The following EPHA3 variants were observed in gnomAD, a reference collection of about 807,000 sequenced individuals.
EPHA3 encodes the protein ephrin type-A receptor 3.
A neutral mutation model predicts 107.1 loss-of-function variants in EPHA3; 42 were observed. That is an observed-to-expected ratio of 0.39 (90% CI 0.31 to 0.51). The LOEUF (loss-of-function observed/expected upper bound fraction) is 0.51. Ranked by LOEUF, EPHA3 falls within the 20% of genes least tolerant of loss-of-function variation. EPHA3 has a pLI of 0.78. For missense variants in EPHA3, 1,183 were observed against 1,211.2 expected (o/e 0.98, Z 0.35); for synonymous variants, 461 against 424.8 (o/e 1.09, Z -1.05).
chr3:89,414,264 T>A (rs2107522897), intron 10 of EPHA3, among the ~76,000 whole-genome samples: 1 of 151,796 alleles, frequency 6.6e-6, no homozygotes, highest in South Asian at 2.1e-4. Flanking sequence ...ATCTTGTAAA[T>A]ATAATGTTAA....
intron 2 of EPHA3, among the ~76,000 whole-genome samples, chr3:89,128,486 A>G (rs974042249): frequency 2.6e-4 from 40 of 152,222 alleles, no homozygotes; most frequent in Middle Eastern, 3.4e-3. Context: ...TGGAAAACTC[A>G]TTTGAAACTA....
chr3:89,294,165 A>AT (rs1315808035), intron 3 of EPHA3, among the ~76,000 whole-genome samples: 1 of 152,108 alleles, frequency 6.6e-6, no homozygotes, highest in Non-Finnish European at 1.5e-5. Flanking sequence ...TCTTCTACAA[A>AT]TTTTATAGTT....
chr3:89,253,049 A>T (rs1231704284), intron 3 of EPHA3, among the ~76,000 whole-genome samples: 1 of 151,906 alleles, frequency 6.6e-6, no homozygotes, highest in Non-Finnish European at 1.5e-5. Context: ...AGCAATAGAG[A>T]AAGATTTATG....
intron 2 of EPHA3, among the ~76,000 whole-genome samples, chr3:89,191,158 A>G (rs1705705342): frequency 6.6e-6 from 1 of 152,140 alleles, no homozygotes; most frequent in Non-Finnish European, 1.5e-5. Flanking sequence ...ACAAAAATGG[A>G]TGAATACATT....
chr3:89,190,846 T>C lies in EPHA3; in HGVS notation c.154-19014T>C, dbSNP rs564973906. On this transcript the variant is annotated intron_variant, in intron 2 of 16. Coordinates refer to ENST00000336596, the MANE Select transcript of EPHA3 (RefSeq NM_005233.6). ...CCTCAATATATGTCTGTGTCCAAAT[T>C]TCCTCTTCTTATAAGGCCTCCGTAG... Among the ~76,000 whole-genome samples the C allele has an allele frequency of 1.1e-3, 170 of 152,244 alleles. 2 individuals carry two copies. In the South Asian group the frequency reaches 0.017, roughly 15 times the overall value.
intron 5 of EPHA3, among the ~76,000 whole-genome samples, chr3:89,360,500 G>A (rs1318753035): frequency 2.0e-5 from 3 of 150,946 alleles, no homozygotes; most frequent in African/African-American, 7.3e-5. Context: ...TTCAGTCAAA[G>A]CTGTTGGAGT....
intron 3 of EPHA3, among the ~76,000 whole-genome samples, chr3:89,229,325 C>T (rs1185603569): frequency 6.6e-6 from 1 of 151,722 alleles, no homozygotes; most frequent in Non-Finnish European, 1.5e-5. Flanking sequence ...GAAGAACTTC[C>T]ACTACTATAG....
intron 13 of EPHA3, among the ~76,000 whole-genome samples, chr3:89,440,593 G>T (rs1185654602): frequency 6.6e-6 from 1 of 152,204 alleles, no homozygotes; most frequent in African/African-American, 2.4e-5. Flanking sequence ...TTAGCCACAT[G>T]TCTCATTGAA....
intron 2 of EPHA3, among the ~76,000 whole-genome samples, chr3:89,137,831 A>G (rs1704347485): frequency 6.6e-6 from 1 of 152,022 alleles, no homozygotes; most frequent in African/African-American, 2.4e-5. Context: ...AATTTTGTTA[A>G]TAAGGCAGTT....
At chr3:89,364,943 A>C (rs139400658) in intron 5 of EPHA3, among the ~76,000 whole-genome samples, 43 of 151,098 alleles carry the variant, frequency 2.8e-4, no homozygotes, top group Non-Finnish European at 4.5e-4. Context: ...TAATTATTCA[A>C]CTTAATTCCA....
intron 1 of EPHA3, among the ~76,000 whole-genome samples, chr3:89,113,683 T>C (rs1707177022): frequency 6.6e-6 from 1 of 151,950 alleles, no homozygotes; most frequent in Non-Finnish European, 1.5e-5. Context: ...AACATCTGGC[T>C]AATCAATTTT....
At chr3:89,279,195 T>A (rs947375791) in intron 3 of EPHA3, among the ~76,000 whole-genome samples, 2 of 152,162 alleles carry the variant, frequency 1.3e-5, no homozygotes, top group East Asian at 1.9e-4. Flanking sequence ...GAGTTTTTTT[T>A]AATTAACATA....
intron 2 of EPHA3, among the ~76,000 whole-genome samples, chr3:89,201,362 C>A (rs1404393027): frequency 6.6e-6 from 1 of 151,988 alleles, no homozygotes; most frequent in Non-Finnish European, 1.5e-5. Context: ...GACACAGAGC[C>A]AACGGTTAGA....
chr3:89,263,297 G>A (rs1235385407), intron 3 of EPHA3, among the ~76,000 whole-genome samples: 2 of 152,016 alleles, frequency 1.3e-5, no homozygotes, highest in African/African-American at 4.8e-5. Context: ...TGCTGTCTGC[G>A]GATGGCTTAA....
intron 3 of EPHA3, among the ~76,000 whole-genome samples, chr3:89,211,601 G>A (rs1443907972): frequency 6.6e-6 from 1 of 151,920 alleles, no homozygotes; most frequent in Non-Finnish European, 1.5e-5. Flanking sequence ...AATCTGGACA[G>A]AACATAATAT....
chr3:89,435,979 A>T lies in EPHA3; in HGVS notation c.2346+4620A>T, dbSNP rs533353475. ...ATAATAATAATAATAATTAATTAAT[A>T]AAAATAAAAACATATATTAGGCATG... On this transcript the variant is annotated intron_variant, in intron 13 of 16. Transcript: ENST00000336596. Among the ~76,000 whole-genome samples, 65 of 149,790 alleles carry T rather than the reference A, an allele frequency of 4.3e-4. 1 individual carries two copies. In the Middle Eastern group the frequency reaches 0.01, roughly 24 times the overall value.
At chr3:89,416,241 T>C (rs921125723) in intron 10 of EPHA3, among the ~76,000 whole-genome samples, 2 of 151,388 alleles carry the variant, frequency 1.3e-5, no homozygotes, top group African/African-American at 4.8e-5. Context: ...AATATACCTA[T>C]TTCAAAGAGC....
chr3:89,449,646 C>A (rs1278765962), intron 14 of EPHA3, among the ~76,000 whole-genome samples: 1 of 152,056 alleles, frequency 6.6e-6, no homozygotes, highest in Non-Finnish European at 1.5e-5. Flanking sequence ...AATAAGATAA[C>A]CTCTAGATTC....
intron 13 of EPHA3, among the ~76,000 whole-genome samples, chr3:89,432,849 T>C (rs944697417): frequency 8.5e-5 from 13 of 152,112 alleles, no homozygotes; most frequent in African/African-American, 2.9e-4. Flanking sequence ...TATATATAAA[T>C]CAATGCCATT....
Sources: gnomAD v4.1 joint callset for allele counts (sites outside exome capture counted in the v4.1 genomes callset) on GRCh38, gnomAD v4.1.1 for gene constraint, MANE v1.5 for transcripts, NCBI Gene and HGNC (gene_info 2026-07-23, HGNC 2026-07-21) for gene names.